Variants in FBXO11 observed in about 807,000 individuals in gnomAD.
FBXO11 encodes the protein F-box protein 11, also known as F-box only protein 11.
A neutral mutation model predicts 117.0 loss-of-function variants in FBXO11; 13 were observed. The ratio of observed to expected loss-of-function variants is 0.11; its 90% CI spans 0.07 to 0.18. The LOEUF (loss-of-function observed/expected upper bound fraction) is 0.18, where lower values mean the gene tolerates loss of function less well. Ranked by LOEUF, FBXO11 falls within the 10% of genes least tolerant of loss-of-function variation. FBXO11 has a pLI of 1.00. For missense variants in FBXO11, 767 were observed against 1,164.4 expected (o/e 0.66, Z 4.97); for synonymous variants, 490 against 380.5 (o/e 1.29, Z -3.35).
At chr2:47,841,696 A>G (rs935699872) in intron 1 of FBXO11, among the ~76,000 whole-genome samples, 2 of 152,300 alleles carry the variant, frequency 1.3e-5, no homozygotes, top group Non-Finnish European at 1.5e-5. Context: ...GCTGGAGTGC[A>G]GTGGCGTGAT....
intron 1 of FBXO11, among the ~76,000 whole-genome samples, chr2:47,844,462 A>T (rs551799419): frequency 6.6e-6 from 1 of 152,312 alleles, no homozygotes; most frequent in East Asian, 1.9e-4. Context: ...GTGCAATAAA[A>T]TTCAACCCCA....
intron 4 of FBXO11, chr2:47,837,166 C>G (rs542304565): frequency 5.8e-6 from 1 of 171,640 alleles, no homozygotes; most frequent in South Asian, 1.1e-4. Context: ...ATTTCTGGTA[C>G]AGTGAGCAAT....
intron 7 of FBXO11, among the ~76,000 whole-genome samples, chr2:47,833,552 CAAAT>C (rs1672335847): frequency 6.6e-6 from 1 of 152,076 alleles, no homozygotes; most frequent in Non-Finnish European, 1.5e-5. Flanking sequence ...ATTTCACTAG[CAAAT>C]AATAATTACT....
chr2:47,844,459 A>G (rs200694563), intron 1 of FBXO11, among the ~76,000 whole-genome samples: 3 of 152,312 alleles, frequency 2.0e-5, no homozygotes, highest in East Asian at 1.9e-4. Context: ...TATGTGCAAT[A>G]AAATTCAACC....
chr2:47,842,018 T>C (rs1039836236), intron 1 of FBXO11, among the ~76,000 whole-genome samples: 1 of 149,730 alleles, frequency 6.7e-6, no homozygotes, highest in Non-Finnish European at 1.5e-5. Context: ...CAGTTTTATT[T>C]TTATTTTTTT....
chr2:47,810,270 T>G (rs1340374468), intron 19 of FBXO11, 46 bp downstream of exon 19: 1 of 1,277,604 alleles, frequency 7.8e-7, no homozygotes, highest in Non-Finnish European at 1.1e-6. Context: ...ATCAAACACT[T>G]TGCAGAACTA....
intron 1 of FBXO11, among the ~76,000 whole-genome samples, chr2:47,898,403 C>T (rs1003243456): frequency 6.6e-6 from 1 of 152,112 alleles, no homozygotes; most frequent in East Asian, 1.9e-4. Flanking sequence ...ATATTTAGTC[C>T]ACAAACCAGT....
intron 1 of FBXO11, among the ~76,000 whole-genome samples, chr2:47,882,204 G>C (rs950545065): frequency 2.0e-5 from 3 of 152,166 alleles, no homozygotes; most frequent in Non-Finnish European, 4.4e-5. Context: ...AGAACAATGT[G>C]ACTGGATATA....
At chr2:47,847,837 C>T (rs1673537453) in intron 1 of FBXO11, among the ~76,000 whole-genome samples, 1 of 151,732 alleles carries the variant, frequency 6.6e-6, no homozygotes. Context: ...TAAAAACACA[C>T]ACATATGGCC....
At position 47,810,611 on chromosome 2, in the gene FBXO11, C is replaced by A. The variant is rs181294573; in HGVS notation, c.2228-185G>T. The A allele has an allele frequency of 2.2e-3, 1,101 of 494,304 alleles. 3 individuals carry two copies. The highest frequency in any genetic ancestry group is 2.8e-3 in the Non-Finnish European group (774 of 281,080). The allele number at this position is 494,304 out of a possible 1,614,324, so 30.6% of individuals were successfully genotyped here. The stretch of plus-strand genomic sequence containing the variant: ...TATTAAGGATCTAACAAAATTGCTA[C>A]AATGACAGGTAAGAGCATTCTGACC... On this transcript the variant is annotated intron_variant, in intron 18 of 22. Transcript: ENST00000403359.
At chr2:47,820,861 C>T (rs1468297354) in intron 13 of FBXO11, among the ~76,000 whole-genome samples, 1 of 152,192 alleles carries the variant, frequency 6.6e-6, no homozygotes, top group African/African-American at 2.4e-5. Context: ...AGTGCCTATA[C>T]TTAGTAAAGC....
intron 1 of FBXO11, among the ~76,000 whole-genome samples, chr2:47,852,287 G>A (rs987143371): frequency 2.0e-5 from 3 of 152,160 alleles, no homozygotes; most frequent in Non-Finnish European, 4.4e-5. Flanking sequence ...ACTGCGTCTG[G>A]CCAGCAACCA....
chr2:47,842,021 A>ATT (rs751568731), intron 1 of FBXO11, among the ~76,000 whole-genome samples: 4 of 140,922 alleles, frequency 2.8e-5, no homozygotes, highest in Non-Finnish European at 4.6e-5. Flanking sequence ...TTTTATTTTT[A>ATT]TTTTTTTTTT....
chr2:47,905,626 G>C lies in FBXO11; in HGVS notation c.95C>G (p.Pro32Arg). 1 of 1,387,204 alleles carries C rather than the reference G, an allele frequency of 7.2e-7. No homozygotes were observed. The allele number at this position is 1,387,204 out of a possible 1,614,324, so 85.9% of individuals were successfully genotyped here. ...QQQQQPPQQP[P>R]PQPPQQQPPQ... is the part of the protein sequence containing the mutation. ...CGGCTGCTGCTGGGGCGGCTGCGGC[G>C]GCGGCTGCTGCGGGGGCTGCTGCTG... Residue 32 changes from proline to arginine, a missense_variant, in exon 1 of 23, where the codon CCG (proline) becomes CGG (arginine). By Grantham distance (103) the Pro-to-Arg change is moderately radical. Transcript: ENST00000403359.
At chr2:47,884,304 TCTA>T (rs1318878003) in intron 1 of FBXO11, among the ~76,000 whole-genome samples, 1 of 152,202 alleles carries the variant, frequency 6.6e-6, no homozygotes, top group Non-Finnish European at 1.5e-5. Flanking sequence ...TGTGTACAGC[TCTA>T]CTTTCTCTTT....
chr2:47,812,326 T>C (rs990402993), intron 18 of FBXO11, among the ~76,000 whole-genome samples: 1 of 152,194 alleles, frequency 6.6e-6, no homozygotes, highest in Non-Finnish European at 1.5e-5. Context: ...AAAAGTGAAA[T>C]AACATCTGGA....
At chr2:47,825,264 G>A (rs1365738578) in intron 11 of FBXO11, among the ~76,000 whole-genome samples, 8 of 151,816 alleles carry the variant, frequency 5.3e-5, no homozygotes, top group Non-Finnish European at 7.4e-5. Context: ...CTCTATATTT[G>A]GATTATAACC....
At chr2:47,839,553 C>T in intron 2 of FBXO11, 53 bp from the exon 3 acceptor site, 3 of 1,603,950 alleles carry the variant, frequency 1.9e-6, no homozygotes, top group Non-Finnish European at 2.6e-6. Context: ...CATCCATAAT[C>T]ATTACTTCTA....
At chr2:47,824,896 ACT>A (rs1335823274) in intron 11 of FBXO11, among the ~76,000 whole-genome samples, 1 of 152,094 alleles carries the variant, frequency 6.6e-6, no homozygotes, top group Non-Finnish European at 1.5e-5. Flanking sequence ...GAATGTGCTT[ACT>A]CTCTTTCCTC....
Sources: gnomAD v4.1 joint callset for allele counts (sites outside exome capture counted in the v4.1 genomes callset) on GRCh38, gnomAD v4.1.1 for gene constraint, MANE v1.5 for transcripts, NCBI Gene and HGNC (gene_info 2026-07-23, HGNC 2026-07-21) for gene names.